GAN: variants seen among roughly 807,000 people sequenced by gnomAD.
The protein encoded by GAN is gigaxonin, also known as epididymis secretory sperm binding protein.
In GAN, 48 loss-of-function variants were observed where a neutral mutation model predicts 71.3. That is an observed-to-expected ratio of 0.67 (90% CI 0.53 to 0.86). The LOEUF is 0.86. Among genes scored for constraint, GAN ranks in the 40% least tolerant of loss-of-function variants. The pLI is 0.00. For missense variants in GAN, 928 were observed against 770.1 expected (o/e 1.21, Z -2.43); for synonymous variants, 386 against 276.8 (o/e 1.39, Z -3.92).
chr16:81,327,314 C>T (rs1422424399), intron 1 of GAN, among the ~76,000 whole-genome samples: 1 of 152,090 alleles, frequency 6.6e-6, no homozygotes, highest in Non-Finnish European at 1.5e-5. Flanking sequence ...TAAGGAGGCG[C>T]CAGAAGCAAA....
At chr16:81,347,341 A>T (rs1226818818) in intron 1 of GAN, among the ~76,000 whole-genome samples, 1 of 152,218 alleles carries the variant, frequency 6.6e-6, no homozygotes, top group Non-Finnish European at 1.5e-5. Flanking sequence ...ACTGTCATAC[A>T]CATTATATAT....
intron 1 of GAN, among the ~76,000 whole-genome samples, chr16:81,329,050 T>C (rs967141225): frequency 6.6e-6 from 1 of 152,198 alleles, no homozygotes; most frequent in Admixed American, 6.5e-5. Flanking sequence ...TTTAAAATGC[T>C]AATTAGACAT....
At chr16:81,365,135 G>T in intron 8 of GAN, 25 bp downstream of exon 8, 1 of 1,611,536 alleles carries the variant, frequency 6.2e-7, no homozygotes, top group East Asian at 2.2e-5. Context: ...GGTGGACTTT[G>T]TAGATTCCCT....
In GAN at chr16:81,389,049, C is replaced by T. The variant is rs11862189; in HGVS notation, c.*11453C>T. 3 of 152,142 alleles carry T rather than the reference C, an allele frequency of 2.0e-5. No homozygotes were observed. The highest frequency in any genetic ancestry group is 4.4e-5 in the Non-Finnish European group (3 of 68,016). 9.4% of individuals were successfully genotyped at this position (152,142 alleles called of 1,614,324 possible). A position where few individuals can be genotyped will look rare whatever the true frequency, so the allele number is the denominator to read the frequency against. On this transcript the variant is annotated 3_prime_UTR_variant, in exon 11 of 11. Transcript: ENST00000648994. ...CAGCTTAAGAAGTAAAGAAGTGAGC[C>T]TTCCATTTGTGTGGGTGATAACATC...
chr16:81,346,610 A>C (rs1402403679), intron 1 of GAN, among the ~76,000 whole-genome samples: 3 of 152,188 alleles, frequency 2.0e-5, no homozygotes, highest in African/African-American at 7.2e-5. Context: ...TTTACCCTGA[A>C]ACCATCCCCA....
rs917959734 is a variant in GAN at position 81,383,101 on chromosome 16, A to C, written c.*5505A>C. On this transcript the variant is annotated 3_prime_UTR_variant, in exon 11 of 11. Coordinates refer to ENST00000648994, the MANE Select transcript of GAN (RefSeq NM_022041.4). ...GCATGAGCCACCACGCTCCGTAGAA[A>C]GTTTGTTCTTTTTCAGTTCTGTCAT... The C allele has an allele frequency of 6.6e-6, 1 of 152,040 alleles. No individual in the cohort carries two copies. Among genetic ancestry groups the C allele is most frequent in the Non-Finnish European group, 1.5e-5 (1 of 67,996 alleles). The allele number at this position is 152,040 out of a possible 1,614,324, so 9.4% of individuals were successfully genotyped here. A position where few individuals can be genotyped will look rare whatever the true frequency, so the allele number is the denominator to read the frequency against.
chr16:81,353,318 A>G (rs1910367651), intron 2 of GAN, among the ~76,000 whole-genome samples: 1 of 151,750 alleles, frequency 6.6e-6, no homozygotes, highest in Non-Finnish European at 1.5e-5. Flanking sequence ...GATAGTTGGA[A>G]TGTAAGTTAT....
At chr16:81,367,741 G>A (rs1383969780) in intron 9 of GAN, among the ~76,000 whole-genome samples, 1 of 152,168 alleles carries the variant, frequency 6.6e-6, no homozygotes, top group Non-Finnish European at 1.5e-5. Flanking sequence ...TGTAGGTACT[G>A]TTACTATTCC....
intron 1 of GAN, among the ~76,000 whole-genome samples, chr16:81,343,368 A>G (rs1407209758): frequency 2.6e-5 from 4 of 152,236 alleles, no homozygotes; most frequent in East Asian, 3.8e-4. Context: ...AAAATCCTCA[A>G]TAAAATACTG....
rs1904407357 is a variant in GAN at position 81,386,553 on chromosome 16, G to C, written c.*8957G>C. On this transcript the variant is annotated 3_prime_UTR_variant, in exon 11 of 11. Coordinates refer to ENST00000648994, the MANE Select transcript of GAN (RefSeq NM_022041.4). ...TATCATACACTTCTTTTCCTGGTTA[G>C]GTTATGAGACTGGCAGAGGTAGGAG... is the stretch of plus-strand genomic sequence containing the variant. The C allele has an allele frequency of 6.6e-6, 1 of 152,234 alleles. No individual in the cohort carries two copies. The allele number at this position is 152,234 out of a possible 1,614,324, so 9.4% of individuals were successfully genotyped here. A position where few individuals can be genotyped will look rare whatever the true frequency, so the allele number is the denominator to read the frequency against.
intron 9 of GAN, among the ~76,000 whole-genome samples, chr16:81,370,365 C>G (rs1911001094): frequency 6.6e-6 from 1 of 152,172 alleles, no homozygotes; most frequent in African/African-American, 2.4e-5. Context: ...ATGGTCCAGT[C>G]AAGTGGCAAA....
rs1251059154 is a variant in GAN, at chr16:81,357,851, T to C, written c.893T>C (p.Leu298Pro). Reference sequence around the variant, plus strand: ...GCAGCGATGCGATGCATGTGCCCTCTCTATGACCCTAACAGGCAGCTTTGG... The same window carrying C: ...GCAGCGATGCGATGCATGTGCCCTCCCTATGACCCTAACAGGCAGCTTTGG... ...PTAAMRCMCPLYDPNRQLWIE... is the reference protein window; with the variant it reads ...PTAAMRCMCPPYDPNRQLWIE... Residue 298 changes from leucine (L) to proline (P), a missense_variant, in exon 5 of 11, where the codon CTC becomes CCC. Coordinates refer to ENST00000648994, the MANE Select transcript of GAN (RefSeq NM_022041.4). The C allele has an allele frequency of 6.2e-7, 1 of 1,613,346 alleles. No homozygotes were observed. Among genetic ancestry groups the C allele is most frequent in the Non-Finnish European group, 8.5e-7 (1 of 1,179,374 alleles).
intron 2 of GAN, among the ~76,000 whole-genome samples, chr16:81,352,719 C>T (rs915492487): frequency 6.6e-6 from 1 of 152,150 alleles, no homozygotes; most frequent in Admixed American, 6.5e-5. Flanking sequence ...TTCATGCTTT[C>T]TCTCTTCTCT....
At chr16:81,357,756 T>C (rs552740778) in intron 4 of GAN, 54 bp from the exon 5 acceptor site, 22 of 1,534,598 alleles carry the variant, frequency 1.4e-5, no homozygotes, top group South Asian at 8.9e-5. Flanking sequence ...TGGCTACTTA[T>C]AAAAAGAACT....
At chr16:81,335,519 G>A (rs1909725890) in intron 1 of GAN, among the ~76,000 whole-genome samples, 1 of 151,986 alleles carries the variant, frequency 6.6e-6, no homozygotes, top group South Asian at 2.1e-4. Context: ...GACCAAGGTG[G>A]GCAGATCAAC....
intron 5 of GAN, among the ~76,000 whole-genome samples, chr16:81,362,140 A>G (rs1032462408): frequency 1.1e-4 from 16 of 152,292 alleles, no homozygotes; most frequent in African/African-American, 3.6e-4. Flanking sequence ...TCTAGAATGA[A>G]CAGATGTGCG....
At chr16:81,360,764 C>T (rs1400138415) in intron 5 of GAN, among the ~76,000 whole-genome samples, 1 of 151,910 alleles carries the variant, frequency 6.6e-6, no homozygotes, top group Non-Finnish European at 1.5e-5. Flanking sequence ...AAATTTTAGA[C>T]TTTATTCTTC....
intron 7 of GAN, among the ~76,000 whole-genome samples, chr16:81,364,191 T>C (rs948001616): frequency 1.1e-4 from 16 of 152,192 alleles, no homozygotes; most frequent in Non-Finnish European, 7.3e-5. Flanking sequence ...AAGCTCCACA[T>C]TTGAGTGTGC....
rs1419383631 is a variant in GAN, at chr16:81,378,321, C to A, written c.*725C>A. The A allele has an allele frequency of 6.5e-6, 1 of 153,114 alleles. No homozygotes were observed. The highest frequency in any genetic ancestry group is 1.5e-5 in the Non-Finnish European group (1 of 68,744). The allele number at this position is 153,114 out of a possible 1,614,324, so 9.5% of individuals were successfully genotyped here. On this transcript the variant is annotated 3_prime_UTR_variant, in exon 11 of 11. Transcript: ENST00000648994. ...GCTTCTGTGTTGACTTAGATCAAGA[C>A]ACGTCACGCATCCTTTCTGGGGTAG...
Sources: gnomAD v4.1 joint callset for allele counts (sites outside exome capture counted in the v4.1 genomes callset) on GRCh38, gnomAD v4.1.1 for gene constraint, MANE v1.5 for transcripts, NCBI Gene and HGNC (gene_info 2026-07-23, HGNC 2026-07-21) for gene names.